Variants in WASHC2A observed in about 807,000 individuals in gnomAD.
WASHC2A encodes the protein WASH complex subunit 2A, also known as WASH complex subunit FAM21A.
WASHC2A carries 82 observed loss-of-function variants against 140.3 expected under a neutral mutation model. That is an observed-to-expected ratio of 0.58 (90% CI 0.49 to 0.70). The LOEUF is 0.70. Among genes scored for constraint, WASHC2A ranks in the 30% least tolerant of loss-of-function variants. The pLI is 0.00. For missense variants in WASHC2A, 985 were observed against 1,521.8 expected, an observed-to-expected ratio of 0.65 and a Z score of 5.87; for synonymous variants, 340 against 560.8, an observed-to-expected ratio of 0.61 and a Z score of 5.56.
rs1164393197 is a variant in WASHC2A, at chr10:50,102,920, G to A, written c.1636-1122G>A. Among the ~76,000 whole-genome samples, 36 of 151,864 alleles carry A rather than the reference G, an allele frequency of 2.4e-4. No individual in the cohort carries two copies. In the South Asian group the frequency reaches 7.3e-3, roughly 31 times the overall value. On this transcript the variant is annotated intron_variant, in intron 17 of 30. Transcript: ENST00000282633. The stretch of plus-strand genomic sequence containing the variant: ...ATACTCTTTTTGCCTAGGCTGGAGT[G>A]CAATGGTGGGATCTTGGCTCACTGC...
chr10:50,079,909 A>C (rs1838739390), intron 4 of WASHC2A, among the ~76,000 whole-genome samples: 1 of 151,818 alleles, frequency 6.6e-6, no homozygotes, highest in African/African-American at 2.4e-5. Flanking sequence ...AGAAAAATAC[A>C]CAACCAAGAC....
At chr10:50,075,147 T>C (rs1838199452) in intron 3 of WASHC2A, among the ~76,000 whole-genome samples, 1 of 152,022 alleles carries the variant, frequency 6.6e-6, no homozygotes, top group Non-Finnish European at 1.5e-5. Context: ...TGAATATAAT[T>C]TTTTTGTTCT....
At chr10:50,068,924 C>T (rs1359120723) in intron 2 of WASHC2A, among the ~76,000 whole-genome samples, 4 of 144,144 alleles carry the variant, frequency 2.8e-5, no homozygotes, top group Non-Finnish European at 6.1e-5. Flanking sequence ...TGCTATGTTG[C>T]CCAGACTGGT....
Position 50,129,673 on chromosome 10 carries a change from C to A in WASHC2A, c.3342C>A (p.Ser1114Arg). 1 of 1,612,070 alleles carries A rather than the reference C, an allele frequency of 6.2e-7. No homozygotes were observed. Among genetic ancestry groups the A allele is most frequent in the Admixed American group, 1.7e-5 (1 of 60,024 alleles). Residue 1114 changes from serine (S) to arginine (R), a missense_variant, in exon 29 of 31, where the codon AGC (serine) becomes AGA (arginine). Ser to Arg is a moderately radical substitution (Grantham distance 110). Coordinates refer to ENST00000282633, the MANE Select transcript of WASHC2A (RefSeq NM_001005751.3). Reference sequence around the variant, plus strand: ...GTCCTGTGCCTGGAGTGGACAGAAGCCCCTTTGCAAAGTCTCTGGGTCATT... The same window carrying A: ...GTCCTGTGCCTGGAGTGGACAGAAGACCCTTTGCAAAGTCTCTGGGTCATT... ...EGGPVPGVDRSPFAKSLGHSR... is the reference protein window; with the variant it reads ...EGGPVPGVDRRPFAKSLGHSR...
rs1477423218 is a variant in WASHC2A, at chr10:50,071,631, G to C, written c.291+1920G>C. Among the ~76,000 whole-genome samples, 6 of 149,280 alleles carry C rather than the reference G, an allele frequency of 4.0e-5. 1 individual carries two copies. Among genetic ancestry groups the C allele is most frequent in the Admixed American group, 2.0e-4 (3 of 15,038 alleles). On this transcript the variant is annotated intron_variant, in intron 3 of 30. Transcript: ENST00000282633. ...GGGAAGTTTACTTTGTACCCAGTGTGCTTGTACCAGATTGGTACTAGATTG... is the reference window on the plus strand; with the variant it reads ...GGGAAGTTTACTTTGTACCCAGTGTCCTTGTACCAGATTGGTACTAGATTG...
intron 30 of WASHC2A, 101 bp from the exon 31 acceptor site, chr10:50,132,705 C>T: frequency 6.2e-7 from 1 of 1,608,044 alleles, no homozygotes; most frequent in Non-Finnish European, 8.5e-7. Context: ...GTACTCCATG[C>T]TGTTACCAGA....
Position 50,129,961 on chromosome 10 carries a change from A to G in WASHC2A, c.3630A>G (p.Thr1210=). 1 of 1,612,040 alleles carries G rather than the reference A, an allele frequency of 6.2e-7. No homozygotes were observed. ...TGGAAGATGAGGATGACCTCTTTAC[A>G]GATCAGAAAGTCAAGAAGAATGAGA... ...PLLEDEDDLF[T]DQKVKKNETK... Residue 1210 remains threonine (T), a synonymous_variant, in exon 29 of 31, where the codon ACA becomes ACG. Coordinates refer to ENST00000282633, the MANE Select transcript of WASHC2A (RefSeq NM_001005751.3).
chr10:50,132,921 C>A lies in WASHC2A; in HGVS notation c.4002C>A (p.Pro1334=). The A allele has an allele frequency of 6.2e-7, 1 of 1,611,992 alleles. No individual in the cohort carries two copies. The highest frequency in any genetic ancestry group is 2.2e-5 in the East Asian group (1 of 44,888). Reference sequence around the variant, plus strand: ...AGGTGTCCAACATCTTTGATGATCCCCTGAATGCCTTTGGAGGCCAGTAGA... The same window carrying A: ...AGGTGTCCAACATCTTTGATGATCCACTGAATGCCTTTGGAGGCCAGTAGA... ...EHKVSNIFDD[P]LNAFGGQ is the part of the protein sequence containing the mutation. The change falls in exon 31 of 31, where the codon CCC becomes CCA. Residue 1334 remains proline, a synonymous_variant. Transcript: ENST00000282633.
chr10:50,082,029 C>T (rs1235476825), intron 5 of WASHC2A, among the ~76,000 whole-genome samples: 4 of 152,104 alleles, frequency 2.6e-5, no homozygotes, highest in African/African-American at 9.7e-5. Flanking sequence ...TTGGCACTGA[C>T]CGGTACACTT....
At chr10:50,078,532 C>A in intron 3 of WASHC2A, 143 bp from the exon 4 acceptor site, 2 of 1,581,462 alleles carry the variant, frequency 1.3e-6, no homozygotes, top group South Asian at 1.1e-5. Context: ...TTACGGACAC[C>A]CACCTGGTAG....
rs577846782 is a variant in WASHC2A, at chr10:50,132,782, C to T, written c.3887-24C>T. The T allele has an allele frequency of 9.6e-5, 154 of 1,611,910 alleles. No homozygotes were observed. The East Asian group carries it at 1.9e-3, about 20-fold the overall frequency. The stretch of plus-strand genomic sequence containing the variant: ...CCTTTCTCCACCCCTCTTCAGCAAC[C>T]GTTCTTCTTTTTTCTTTCTAAAGAT... On this transcript the variant is annotated intron_variant, in intron 30 of 30. Transcript: ENST00000282633.
chr10:50,089,172 C>T (rs1332527728), intron 8 of WASHC2A, among the ~76,000 whole-genome samples: 15 of 140,126 alleles, frequency 1.1e-4, no homozygotes, highest in Admixed American at 3.7e-4. Context: ...GCCATGTTGG[C>T]GCGGCTGGTC....
At chr10:50,126,028 G>A in intron 25 of WASHC2A, 29 bp from the exon 26 acceptor site, 2 of 1,610,760 alleles carry the variant, frequency 1.2e-6, no homozygotes, top group Non-Finnish European at 1.7e-6. Context: ...GATATTTGAT[G>A]GCTTTTTGGT....
intron 25 of WASHC2A, 89 bp downstream of exon 25, chr10:50,125,538 C>T: frequency 1.9e-6 from 3 of 1,610,300 alleles, no homozygotes; most frequent in Non-Finnish European, 2.5e-6. Flanking sequence ...AAGGAAAATC[C>T]TAGGAGAGTC....
chr10:50,121,582 CAG>C (rs1339007183), intron 23 of WASHC2A, among the ~76,000 whole-genome samples: 2 of 150,458 alleles, frequency 1.3e-5, no homozygotes, highest in Non-Finnish European at 2.9e-5. Flanking sequence ...TTAGTAGAGA[CAG>C]GGTTTCACCG....
intron 25 of WASHC2A, among the ~76,000 whole-genome samples, chr10:50,125,687 CTG>C (rs1843363552): frequency 6.6e-6 from 1 of 152,248 alleles, no homozygotes; most frequent in Admixed American, 6.5e-5. Context: ...GGCTCTCTGA[CTG>C]TACTGCACAT....
intron 5 of WASHC2A, among the ~76,000 whole-genome samples, chr10:50,082,319 CTGT>C (rs1838975006): frequency 2.6e-5 from 4 of 151,716 alleles, no homozygotes; most frequent in Admixed American, 6.6e-5. Flanking sequence ...CCCAATCTTT[CTGT>C]TGTTGTGTGA....
intron 30 of WASHC2A, among the ~76,000 whole-genome samples, chr10:50,132,045 G>T (rs1057318316): frequency 6.6e-6 from 1 of 152,174 alleles, no homozygotes; most frequent in Non-Finnish European, 1.5e-5. Flanking sequence ...TACCTATTCT[G>T]CTCTGTCTTT....
chr10:50,070,175 C>A (rs568626685), intron 3 of WASHC2A, among the ~76,000 whole-genome samples: 6 of 152,218 alleles, frequency 3.9e-5, no homozygotes, highest in Admixed American at 3.3e-4. Context: ...GCTGAACTTA[C>A]AATATGGAAT....
Sources: allele counts gnomAD v4.1 joint callset (sites outside exome capture counted in the v4.1 genomes callset), GRCh38; gene constraint gnomAD v4.1.1; transcripts MANE v1.5; gene names NCBI Gene and HGNC (gene_info 2026-07-23, HGNC 2026-07-21).